The following TXLNB variants were observed in gnomAD, a reference collection of about 807,000 sequenced individuals.
TXLNB encodes beta-taxilin.
In TXLNB, 37 loss-of-function variants were observed where a neutral mutation model predicts 57.4. The observed-to-expected ratio is 0.64, with a 90% CI of 0.50 to 0.85. The LOEUF (loss-of-function observed/expected upper bound fraction) is 0.85. Ranked by LOEUF, TXLNB falls within the 40% of genes least tolerant of loss-of-function variation. The probability of loss-of-function intolerance (pLI) is 0.00; values close to 1 mark genes in which losing one functional copy is unlikely to be tolerated. For missense variants in TXLNB, 848 were observed against 825.6 expected (o/e 1.03, Z -0.33); for synonymous variants, 302 against 309.6 (o/e 0.98, Z 0.26).
At chr6:139,181,599 A>T in the TXLNB span, among the ~76,000 whole-genome samples, 1 of 152,136 alleles carries the variant, frequency 6.6e-6, no homozygotes, top group Non-Finnish European at 1.5e-5. Context: ...CACTTGTTCT[A>T]TATTATTACT....
chr6:139,223,238 A>T, the TXLNB span, among the ~76,000 whole-genome samples: 19 of 152,364 alleles, frequency 1.2e-4, no homozygotes, highest in East Asian at 3.7e-3. Context: ...TCACAGAGAA[A>T]ATTTAAAAAT....
intron 8 of TXLNB, chr6:139,245,535 A>G (rs1466277988): frequency 6.6e-6 from 1 of 152,242 alleles, no homozygotes; most frequent in Non-Finnish European, 1.5e-5. Flanking sequence ...GATGAAACAT[A>G]GCTGGGCACT....
At chr6:139,235,306 T>C (rs535253468), downstream of TXLNB, among the ~76,000 whole-genome samples, 4 of 152,244 alleles carry the variant, frequency 2.6e-5, no homozygotes, top group African/African-American at 9.6e-5. Context: ...CCATTTTGTC[T>C]AGGAAGTAAC....
chr6:139,203,672 T>A, the TXLNB span: 1 of 152,242 alleles, frequency 6.6e-6, no homozygotes. Context: ...CTCAGCAGTC[T>A]AACAATTCTC....
chr6:139,234,867 G>GCACT, the TXLNB span, among the ~76,000 whole-genome samples: 1 of 152,198 alleles, frequency 6.6e-6, no homozygotes, highest in Non-Finnish European at 1.5e-5. Flanking sequence ...AAAGCCACAG[G>GCACT]CACTCAATGC....
At chr6:139,177,332 T>TG in the TXLNB span, 5 of 360,124 alleles carry the variant, frequency 1.4e-5, no homozygotes, top group African/African-American at 1.0e-4. This position sits in a 1 kb window ranked among gnomAD's most constrained non-coding sequence, Gnocchi z 4.9. Context: ...GCATTTGGGT[T>TG]GGGGTTCACT....
chr6:139,215,355 C>G, the TXLNB span, among the ~76,000 whole-genome samples: 10 of 152,134 alleles, frequency 6.6e-5, no homozygotes, highest in Admixed American at 3.9e-4. Context: ...TGACAAACCT[C>G]ACAAAAACAA....
At chr6:139,177,031 T>A in the TXLNB span, 1 of 872,206 alleles carries the variant, frequency 1.1e-6, no homozygotes, top group Non-Finnish European at 2.0e-6. The surrounding 1 kb of genome is among the most constrained non-coding windows in gnomAD (Gnocchi z 4.9). Flanking sequence ...CGTCCAGCAG[T>A]GTCCACACTG....
intron 6 of TXLNB, 29 bp from the exon 7 acceptor site, chr6:139,255,667 T>C (rs375686352): frequency 2.3e-5 from 36 of 1,584,686 alleles, no homozygotes; most frequent in Middle Eastern, 3.3e-4. Flanking sequence ...TGTGGAAAGA[T>C]GGTCAGATTT....
chr6:139,288,474 G>A lies in TXLNB; in HGVS notation c.424+2C>T. 6.2e-7 allele frequency: 1 copy of A among 1,613,476 alleles called. No homozygotes were observed. Among genetic ancestry groups the A allele is most frequent in the Non-Finnish European group, 8.5e-7 (1 of 1,179,594 alleles). On this transcript the variant is annotated splice_donor_variant, in intron 2 of 9. Coordinates refer to ENST00000358430, the MANE Select transcript of TXLNB (RefSeq NM_153235.4). LOFTEE classifies it low-confidence loss of function (GC_TO_GT_DONOR). Reference sequence around the variant, plus strand: ...GTCACATATTTGAACATAACTACTTGCCTAATCCTTTTAGGATTTTCTTTT... The same window carrying A: ...GTCACATATTTGAACATAACTACTTACCTAATCCTTTTAGGATTTTCTTTT...
chr6:139,304,848 T>C, the TXLNB span, among the ~76,000 whole-genome samples: 1 of 152,220 alleles, frequency 6.6e-6, no homozygotes, highest in Non-Finnish European at 1.5e-5. Flanking sequence ...CACTTTTCTA[T>C]AAATGCAAAT....
chr6:139,257,782 A>C (rs1583002111), intron 6 of TXLNB, among the ~76,000 whole-genome samples: 1 of 152,242 alleles, frequency 6.6e-6, no homozygotes, highest in East Asian at 1.9e-4. Context: ...AACTAACAAT[A>C]AAATCATTAC....
intron 8 of TXLNB, among the ~76,000 whole-genome samples, chr6:139,247,576 A>G (rs1776097105): frequency 6.8e-6 from 1 of 147,846 alleles, no homozygotes; most frequent in South Asian, 2.1e-4. Context: ...ATGGGTTAGA[A>G]AAAGAACTAT....
Position 139,266,965 on chromosome 6 carries a change from G to GAAAAAAAA in TXLNB, c.687+3483_687+3490dup, listed in dbSNP as rs201223278. ...TGGCACATTTATTTAAGGCTAAAAG[G>GAAAAAAAA]AAAAAAAAAAAAAAAACCCACGAAT... is the stretch of plus-strand genomic sequence containing the variant. On this transcript the variant is annotated intron_variant, in intron 4 of 9. Coordinates refer to ENST00000358430, the MANE Select transcript of TXLNB (RefSeq NM_153235.4). Among the ~76,000 whole-genome samples, 10 of 110,492 alleles carry GAAAAAAAA rather than the reference G, an allele frequency of 9.1e-5. 1 individual carries two copies. The highest frequency in any genetic ancestry group is 1.2e-4 in the Non-Finnish European group (6 of 49,766). 72.5% of individuals were successfully genotyped at this position (110,492 alleles called of 152,430 possible).
chr6:139,163,863 G>A, the TXLNB span, among the ~76,000 whole-genome samples: 2 of 152,108 alleles, frequency 1.3e-5, no homozygotes, highest in East Asian at 1.9e-4. Context: ...TCATCTGTGG[G>A]TGAGTGACTC....
the TXLNB span, among the ~76,000 whole-genome samples, chr6:139,305,017 A>G: frequency 6.6e-6 from 1 of 152,232 alleles, no homozygotes; most frequent in African/African-American, 2.4e-5. Flanking sequence ...CACAGGCAGC[A>G]GAAGGGCAAT....
At chr6:139,181,872 C>T in the TXLNB span, among the ~76,000 whole-genome samples, 1 of 152,154 alleles carries the variant, frequency 6.6e-6, no homozygotes, top group African/African-American at 2.4e-5. Context: ...GGTTTGAGGT[C>T]TCCAGGTTTG....
the TXLNB span, among the ~76,000 whole-genome samples, chr6:139,322,518 C>T: frequency 6.6e-6 from 1 of 152,170 alleles, no homozygotes; most frequent in Non-Finnish European, 1.5e-5. Context: ...GAAATTCCTC[C>T]TCCAGTCTTC....
At chr6:139,206,061 G>A in the TXLNB span, among the ~76,000 whole-genome samples, 2 of 152,156 alleles carry the variant, frequency 1.3e-5, no homozygotes, top group Admixed American at 1.3e-4. Context: ...CAAGAATTTT[G>A]TATCCAGCAA....
Sources: allele counts gnomAD v4.1 joint callset (sites outside exome capture counted in the v4.1 genomes callset), GRCh38; gene constraint gnomAD v4.1.1; non-coding constraint Gnocchi (gnomAD v3.1); transcripts MANE v1.5; gene names NCBI Gene and HGNC (gene_info 2026-07-23, HGNC 2026-07-21).